The following OSBPL9 variants were observed in gnomAD, a reference collection of about 807,000 sequenced individuals.
The protein encoded by OSBPL9 is oxysterol-binding protein-related protein 9.
OSBPL9 carries 40 observed loss-of-function variants against 106.6 expected under a neutral mutation model. The observed-to-expected ratio is 0.38, with a 90% confidence interval of 0.29 to 0.49. The LOEUF is 0.49. Ranked by LOEUF, OSBPL9 falls within the 20% of genes least tolerant of loss-of-function variation. The pLI, the probability that OSBPL9 is intolerant of heterozygous loss-of-function variation, is 0.97. For missense variants in OSBPL9, 609 were observed against 887.2 expected (o/e 0.69, Z 3.98); for synonymous variants, 269 against 295.4 (o/e 0.91, Z 0.92).
chr1:51,691,845 T>C (rs1655032489), intron 3 of OSBPL9, among the ~76,000 whole-genome samples: 1 of 152,130 alleles, frequency 6.6e-6, no homozygotes, highest in Non-Finnish European at 1.5e-5. Flanking sequence ...ATCACTGTCT[T>C]CTGCCTCCAC....
the OSBPL9 span, chr1:51,565,949 C>T: frequency 6.6e-6 from 1 of 152,176 alleles, no homozygotes; most frequent in Non-Finnish European, 1.5e-5. Context: ...ATAGCTATAT[C>T]CAGTACAGCT....
At chr1:51,723,737 C>T (rs1235539348) in intron 4 of OSBPL9, among the ~76,000 whole-genome samples, 1 of 152,052 alleles carries the variant, frequency 6.6e-6, no homozygotes, top group African/African-American at 2.4e-5. Context: ...CTGGATGTAC[C>T]GCCTATTCAT....
intron 1 of OSBPL9, among the ~76,000 whole-genome samples, chr1:51,593,904 TCACACACACACACACACA>T: frequency 7.1e-6 from 1 of 140,188 alleles, no homozygotes; most frequent in East Asian, 2.1e-4. Flanking sequence ...TAATCAGATT[TCACACACACACACACACA>T]CACACACACA....
rs140598642 is a variant in OSBPL9, at chr1:51,641,191, C to T, written c.112-10800C>T. Among the ~76,000 whole-genome samples, 133 of 152,170 alleles carry T rather than the reference C, an allele frequency of 8.7e-4. 1 individual carries two copies. In the East Asian group the frequency reaches 0.024, roughly 28 times the overall value. The stretch of plus-strand genomic sequence containing the variant: ...TAAGAAATGGACCAAGCAGGCAGAC[C>T]GCTGTGTGATTTGAGATTATTATGA... On this transcript the variant is annotated intron_variant, in intron 1 of 23. Transcript: ENST00000428468.
chr1:51,604,353 C>T (rs371047151), intron 2 of OSBPL9, among the ~76,000 whole-genome samples: 102 of 152,130 alleles, frequency 6.7e-4, no homozygotes, highest in Non-Finnish European at 1.0e-3. Context: ...GTCAGGAGTG[C>T]AAGGCCAGCC....
At chr1:51,676,787 T>A (rs1651345964) in intron 3 of OSBPL9, among the ~76,000 whole-genome samples, 1 of 152,106 alleles carries the variant, frequency 6.6e-6, no homozygotes, top group African/African-American at 2.4e-5. Flanking sequence ...TTGTACATGA[T>A]AAATACAATT....
At chr1:51,679,402 G>A (rs957444199) in intron 3 of OSBPL9, among the ~76,000 whole-genome samples, 1 of 152,186 alleles carries the variant, frequency 6.6e-6, no homozygotes, top group African/African-American at 2.4e-5. Context: ...AAAGTATAAA[G>A]TAGTATAAAG....
chr1:51,698,596 A>G (rs997737747), intron 3 of OSBPL9, among the ~76,000 whole-genome samples: 3 of 152,210 alleles, frequency 2.0e-5, no homozygotes, highest in African/African-American at 7.2e-5. Context: ...GAGGATGGAA[A>G]GCAAGCTGGA....
intron 2 of OSBPL9, among the ~76,000 whole-genome samples, chr1:51,652,836 C>T (rs1450475325): frequency 6.6e-6 from 1 of 152,176 alleles, no homozygotes; most frequent in Non-Finnish European, 1.5e-5. Context: ...GCTAGGGATG[C>T]AGTTTCTAGT....
At chr1:51,762,035 C>A in intron 11 of OSBPL9, 64 bp downstream of exon 11, 1 of 1,196,642 alleles carries the variant, frequency 8.4e-7, no homozygotes, top group Non-Finnish European at 1.2e-6. Flanking sequence ...TTGTTTGTGA[C>A]CTCTGATGAG....
intron 9 of OSBPL9, 193 bp downstream of exon 9, chr1:51,756,551 T>G (rs1670378392): frequency 5.3e-6 from 3 of 563,944 alleles, no homozygotes; most frequent in Middle Eastern, 3.2e-4. Context: ...AATCTTAAAA[T>G]TTTTCTAAGT....
chr1:51,559,981 A>G, the OSBPL9 span, among the ~76,000 whole-genome samples: 7 of 151,710 alleles, frequency 4.6e-5, no homozygotes, highest in African/African-American at 1.7e-4. Flanking sequence ...ACCCTTCCCC[A>G]CTCCCCAACA....
At chr1:51,630,066 G>A (rs967933619) in intron 1 of OSBPL9, among the ~76,000 whole-genome samples, 2 of 152,080 alleles carry the variant, frequency 1.3e-5, no homozygotes, top group African/African-American at 4.8e-5. Flanking sequence ...GAGGAGATGG[G>A]GAGTGTAGAC....
chr1:51,565,013 T>G, the OSBPL9 span, among the ~76,000 whole-genome samples: 3 of 152,214 alleles, frequency 2.0e-5, no homozygotes, highest in African/African-American at 7.2e-5. Flanking sequence ...TGCCTGATCA[T>G]CTGCCTTAAT....
intron 3 of OSBPL9, among the ~76,000 whole-genome samples, chr1:51,701,763 C>T (rs1302910862): frequency 6.6e-6 from 1 of 152,052 alleles, no homozygotes; most frequent in Non-Finnish European, 1.5e-5. Context: ...CATCATTTAA[C>T]ATTAGGTATA....
intron 3 of OSBPL9, among the ~76,000 whole-genome samples, chr1:51,706,378 A>T (rs189436476): frequency 1.1e-3 from 162 of 152,238 alleles, no homozygotes; most frequent in Non-Finnish European, 1.9e-3. Flanking sequence ...TCAGTTTTAT[A>T]GTCAGGGAGT....
intron 3 of OSBPL9, among the ~76,000 whole-genome samples, chr1:51,679,581 A>G: frequency 6.6e-6 from 1 of 152,212 alleles, no homozygotes; most frequent in East Asian, 1.9e-4. Flanking sequence ...AACATATTCA[A>G]TAGAAAACTC....
chr1:51,782,345 A>G (rs6678977), intron 16 of OSBPL9, among the ~76,000 whole-genome samples: 36,757 of 152,050 alleles, frequency 0.24, 6,092 homozygotes, highest in African/African-American at 0.46. Context: ...TCAGCCCTGA[A>G]TGAGGCACAC....
chr1:51,520,194 T>A, the OSBPL9 span, among the ~76,000 whole-genome samples: 1 of 152,220 alleles, frequency 6.6e-6, no homozygotes, highest in Non-Finnish European at 1.5e-5. Context: ...TGGCAAGAAC[T>A]GTTTTCAATA....
Sources: gnomAD v4.1 joint callset for allele counts (sites outside exome capture counted in the v4.1 genomes callset) on GRCh38, gnomAD v4.1.1 for gene constraint, MANE v1.5 for transcripts, NCBI Gene and HGNC (gene_info 2026-07-23, HGNC 2026-07-21) for gene names.